Variants in WWOX observed in about 807,000 individuals in gnomAD.
The protein encoded by WWOX is WW domain containing oxidoreductase, also known as WW domain-containing oxidoreductase.
Under a neutral mutation model 46.2 loss-of-function variants are expected in WWOX, and 69 were observed. The ratio of observed to expected loss-of-function variants is 1.49; its 90% confidence interval spans 1.23 to 1.82. WWOX has a LOEUF of 1.82. WWOX is among the 40% of genes most tolerant of loss of function. The probability of loss-of-function intolerance (pLI) is 0.00; values close to 1 mark genes in which losing one functional copy is unlikely to be tolerated. For missense variants in WWOX, 919 were observed against 542.6 expected (o/e 1.69, Z -6.89); for synonymous variants, 359 against 202.6 (o/e 1.77, Z -6.56).
intron 5 of WWOX, among the ~76,000 whole-genome samples, chr16:78,268,108 C>T (rs910925780): frequency 3.3e-5 from 5 of 152,198 alleles, no homozygotes; most frequent in East Asian, 1.9e-4. Context: ...CGTGAGCCGC[C>T]GTGTCTGGCT....
intron 8 of WWOX, among the ~76,000 whole-genome samples, chr16:79,157,712 G>A (rs578105586): frequency 6.6e-6 from 1 of 152,324 alleles, no homozygotes; most frequent in South Asian, 2.1e-4. Context: ...TGTGATCTGT[G>A]TCCTTTACAG....
At chr16:78,842,584 T>C (rs927995067) in intron 8 of WWOX, among the ~76,000 whole-genome samples, 1 of 151,992 alleles carries the variant, frequency 6.6e-6, no homozygotes, top group Admixed American at 6.6e-5. Flanking sequence ...ACAAGAGGAG[T>C]TGGGCATGCT....
chr16:78,649,372 G>C (rs965161096), intron 8 of WWOX, among the ~76,000 whole-genome samples: 5 of 152,026 alleles, frequency 3.3e-5, no homozygotes, highest in African/African-American at 1.2e-4. Flanking sequence ...CAGCCTGTAG[G>C]TCCCGGGCTC....
chr16:78,165,180 C>T (rs72804974), intron 5 of WWOX, among the ~76,000 whole-genome samples: 2 of 151,970 alleles, frequency 1.3e-5, no homozygotes, highest in African/African-American at 4.8e-5. Flanking sequence ...AGGGTTTGAG[C>T]TAGAGAGTGA....
chr16:78,168,992 T>C (rs1015619578), intron 5 of WWOX, among the ~76,000 whole-genome samples: 2 of 152,066 alleles, frequency 1.3e-5, no homozygotes, highest in African/African-American at 4.8e-5. Flanking sequence ...ACCACTGTCT[T>C]AAAAGGCCAA....
At position 78,587,193 on chromosome 16, in the gene WWOX, C is replaced by CTTTTT. The variant is rs528293412; in HGVS notation, c.1056+154460_1056+154464dup. The stretch of plus-strand genomic sequence containing the variant: ...AGCAGATGCCACCATGCCTGGCTAA[C>CTTTTT]TTTTTTTTTTTTTTTTTTTTTTTGT... On this transcript the variant is annotated intron_variant, in intron 8 of 8. Coordinates refer to ENST00000566780, the MANE Select transcript of WWOX (RefSeq NM_016373.4). 4.0e-4 allele frequency among the ~76,000 whole-genome samples: 45 copies of CTTTTT among 112,886 alleles called. 2 individuals carry two copies. Among genetic ancestry groups the CTTTTT allele is most frequent in the South Asian group, 3.1e-3 (9 of 2,942 alleles). 74.1% of individuals were successfully genotyped at this position (112,886 alleles called of 152,430 possible).
chr16:78,952,667 A>G (rs760694284), intron 8 of WWOX, among the ~76,000 whole-genome samples: 39 of 152,146 alleles, frequency 2.6e-4, no homozygotes, highest in Non-Finnish European at 4.6e-4. Flanking sequence ...TACAGGTATG[A>G]GCCACCACAC....
intron 8 of WWOX, among the ~76,000 whole-genome samples, chr16:78,616,362 G>T (rs2046024857): frequency 6.6e-6 from 1 of 152,136 alleles, no homozygotes; most frequent in African/African-American, 2.4e-5. Flanking sequence ...CCAAGAGGAA[G>T]GCACTGGCAG....
chr16:78,795,472 G>T (rs1292782806), intron 8 of WWOX, among the ~76,000 whole-genome samples: 4 of 150,734 alleles, frequency 2.7e-5, no homozygotes, highest in Admixed American at 2.6e-4. Context: ...CCTCCATCTA[G>T]ATGGAGTGCT....
chr16:79,025,983 T>C (rs1204229382), intron 8 of WWOX, among the ~76,000 whole-genome samples: 1 of 149,372 alleles, frequency 6.7e-6, no homozygotes, highest in Non-Finnish European at 1.5e-5. Context: ...GGATTTTTAG[T>C]AGAGATGGGT....
chr16:78,475,517 G>T (rs923564085), intron 8 of WWOX, among the ~76,000 whole-genome samples: 20 of 152,202 alleles, frequency 1.3e-4, no homozygotes, highest in Admixed American at 1.2e-3. Context: ...TAATAAGGCT[G>T]ACTTGGGTTG....
intron 4 of WWOX, among the ~76,000 whole-genome samples, chr16:78,152,017 C>T (rs1200187307): frequency 1.3e-5 from 2 of 152,170 alleles, no homozygotes; most frequent in African/African-American, 2.4e-5. Context: ...GGTGAAACCC[C>T]GTCTCTACTA....
intron 8 of WWOX, among the ~76,000 whole-genome samples, chr16:78,737,950 C>G (rs1368958525): frequency 6.6e-6 from 1 of 152,086 alleles, no homozygotes; most frequent in Non-Finnish European, 1.5e-5. Context: ...TCAATTTTCC[C>G]CATCCCAAGA....
intron 5 of WWOX, among the ~76,000 whole-genome samples, chr16:78,354,815 G>T (rs915077023): frequency 3.3e-5 from 5 of 151,950 alleles, no homozygotes; most frequent in Non-Finnish European, 1.5e-5. Flanking sequence ...TGATATTTTT[G>T]ATTAAATTTT....
chr16:78,366,978 T>G (rs1228632497), intron 5 of WWOX, among the ~76,000 whole-genome samples: 1 of 141,758 alleles, frequency 7.1e-6, no homozygotes, highest in Non-Finnish European at 1.5e-5. Context: ...CATTTTTTTT[T>G]TTTTTTTTTT....
At chr16:78,843,041 C>T (rs1012478453) in intron 8 of WWOX, among the ~76,000 whole-genome samples, 1 of 149,908 alleles carries the variant, frequency 6.7e-6, no homozygotes, top group Non-Finnish European at 1.5e-5. Context: ...TTAAGTGCTG[C>T]AAACATTGCA....
intron 8 of WWOX, among the ~76,000 whole-genome samples, chr16:78,614,142 G>A (rs895859803): frequency 1.3e-5 from 2 of 152,322 alleles, no homozygotes; most frequent in Non-Finnish European, 2.9e-5. Flanking sequence ...CAGAATGAAT[G>A]AATATTCACA....
At chr16:78,720,563 G>C (rs1251956431) in intron 8 of WWOX, among the ~76,000 whole-genome samples, 1 of 151,448 alleles carries the variant, frequency 6.6e-6, no homozygotes, top group Non-Finnish European at 1.5e-5. Context: ...GTGTCTGTGA[G>C]AGACAGAGCC....
At chr16:78,321,063 T>C (rs1353309394) in intron 5 of WWOX, among the ~76,000 whole-genome samples, 3 of 152,218 alleles carry the variant, frequency 2.0e-5, no homozygotes, top group South Asian at 2.1e-4. Context: ...TCATACTCAG[T>C]GCTGCTAAAA....
Sources: allele counts gnomAD v4.1 joint callset (sites outside exome capture counted in the v4.1 genomes callset), GRCh38; gene constraint gnomAD v4.1.1; transcripts MANE v1.5; gene names NCBI Gene and HGNC (gene_info 2026-07-23, HGNC 2026-07-21).